DCAF6: variants seen among roughly 807,000 people sequenced by gnomAD.
The protein encoded by DCAF6 is DDB1- and CUL4-associated factor 6.
A neutral mutation model predicts 125.1 loss-of-function variants in DCAF6; 54 were observed. The ratio of observed to expected loss-of-function variants is 0.43; its 90% CI spans 0.35 to 0.54. The LOEUF is 0.54. Among genes scored for constraint, DCAF6 ranks in the 20% least tolerant of loss-of-function variants. DCAF6 has a pLI of 0.01. For missense variants in DCAF6, 934 were observed against 1,161.7 expected (o/e 0.80, Z 2.85); for synonymous variants, 371 against 390.4 (o/e 0.95, Z 0.58).
chr1:167,901,415 A>G, the DCAF6 span, among the ~76,000 whole-genome samples: 1 of 152,224 alleles, frequency 6.6e-6, no homozygotes, highest in Non-Finnish European at 1.5e-5. Context: ...CCTATGCATT[A>G]ACTACCATAC....
the DCAF6 span, among the ~76,000 whole-genome samples, chr1:167,892,093 C>T: frequency 2.0e-5 from 3 of 151,894 alleles, no homozygotes; most frequent in Non-Finnish European, 4.4e-5. Context: ...TCACCTCAGC[C>T]TCCCTAGTAG....
intron 4 of DCAF6, among the ~76,000 whole-genome samples, chr1:167,976,285 A>G (rs1237892799): frequency 6.6e-6 from 1 of 152,116 alleles, no homozygotes; most frequent in Non-Finnish European, 1.5e-5. Context: ...CCTGGCCAAC[A>G]TGGTGAAACC....
In DCAF6 at chr1:167,977,882, A is replaced by G. The variant is rs569311943; in HGVS notation, c.438+2867A>G. Among the ~76,000 whole-genome samples the G allele has an allele frequency of 4.6e-5, 7 of 152,356 alleles. No individual in the cohort carries two copies. In the South Asian group the frequency reaches 1.2e-3, roughly 27 times the overall value. Reference sequence around the variant, plus strand: ...TATTCATGTAACTACCACCTAGCACATTAAGTATCCCAAAAGCTCCCTTTA... The same window carrying G: ...TATTCATGTAACTACCACCTAGCACGTTAAGTATCCCAAAAGCTCCCTTTA... On this transcript the variant is annotated intron_variant, in intron 4 of 21. Coordinates refer to ENST00000367840, the MANE Select transcript of DCAF6 (RefSeq NM_001198956.2).
intron 11 of DCAF6, among the ~76,000 whole-genome samples, chr1:168,019,134 C>T (rs1433951670): frequency 6.6e-6 from 1 of 151,942 alleles, no homozygotes; most frequent in Non-Finnish European, 1.5e-5. Flanking sequence ...CTGCAACCTC[C>T]ACCTCCCGGG....
chr1:167,903,140 C>T, the DCAF6 span, among the ~76,000 whole-genome samples: 4 of 151,872 alleles, frequency 2.6e-5, no homozygotes, highest in Admixed American at 6.6e-5. Flanking sequence ...CCTGTAACCC[C>T]AGCTACGTGT....
At chr1:167,914,353 T>G in the DCAF6 span, 1 of 152,172 alleles carries the variant, frequency 6.6e-6, no homozygotes, top group Non-Finnish European at 1.5e-5. Flanking sequence ...ACACAATTCT[T>G]CCCTTGGCCA....
intron 1 of DCAF6, among the ~76,000 whole-genome samples, chr1:167,947,318 C>G (rs1673224581): frequency 6.8e-6 from 1 of 146,724 alleles, no homozygotes; most frequent in Non-Finnish European, 1.5e-5. Flanking sequence ...GAGGAACCAG[C>G]TTTTCATTTC....
At chr1:167,928,344 A>G in the DCAF6 span, among the ~76,000 whole-genome samples, 1 of 152,116 alleles carries the variant, frequency 6.6e-6, no homozygotes, top group Non-Finnish European at 1.5e-5. Context: ...AAGTCACACA[A>G]TGGGTTAACA....
chr1:167,922,597 GA>G, the DCAF6 span, among the ~76,000 whole-genome samples: 2 of 147,476 alleles, frequency 1.4e-5, no homozygotes, highest in Non-Finnish European at 3.0e-5. Flanking sequence ...ATGTAGATAT[GA>G]AAAAAAAAAC....
At chr1:167,994,054 T>G (rs1256802471) in intron 7 of DCAF6, among the ~76,000 whole-genome samples, 1 of 149,192 alleles carries the variant, frequency 6.7e-6, no homozygotes, top group Non-Finnish European at 1.5e-5. Flanking sequence ...ACAAAAATAG[T>G]ATTTTTGTAA....
the DCAF6 span, among the ~76,000 whole-genome samples, chr1:167,913,465 A>G: frequency 2.6e-5 from 4 of 152,040 alleles, no homozygotes; most frequent in African/African-American, 9.7e-5. Flanking sequence ...TTGCTTGCCT[A>G]CTCTAGCCAT....
chr1:168,011,932 C>T (rs1684348331), intron 10 of DCAF6, among the ~76,000 whole-genome samples: 1 of 152,080 alleles, frequency 6.6e-6, no homozygotes, highest in Non-Finnish European at 1.5e-5. Flanking sequence ...GAGATCACTC[C>T]ATTGCACTCC....
chr1:167,888,347 A>C, the DCAF6 span, among the ~76,000 whole-genome samples: 1 of 152,072 alleles, frequency 6.6e-6, no homozygotes, highest in African/African-American at 2.4e-5. Flanking sequence ...TATTGCATTG[A>C]ATCTGTAGAT....
At chr1:167,967,809 C>T (rs893115009) in intron 3 of DCAF6, among the ~76,000 whole-genome samples, 1 of 146,172 alleles carries the variant, frequency 6.8e-6, no homozygotes, top group African/African-American at 2.5e-5. Context: ...CGGCTTACTG[C>T]AACCTCTGCC....
At chr1:167,957,820 AATC>A (rs1557891031) in intron 2 of DCAF6, among the ~76,000 whole-genome samples, 1 of 152,094 alleles carries the variant, frequency 6.6e-6, no homozygotes, top group African/African-American at 2.4e-5. Flanking sequence ...AAATTATTAT[AATC>A]ATCCTAGTGG....
the DCAF6 span, chr1:167,896,514 G>T: frequency 8.8e-7 from 1 of 1,133,886 alleles, no homozygotes; most frequent in Non-Finnish European, 1.3e-6. Context: ...CCACCCACCA[G>T]TAATGAAGCT....
chr1:167,929,726 A>C, the DCAF6 span, among the ~76,000 whole-genome samples: 1 of 152,208 alleles, frequency 6.6e-6, no homozygotes, highest in Admixed American at 6.5e-5. Context: ...TCCCTAAGTA[A>C]AGACTAACTT....
intron 21 of DCAF6, among the ~76,000 whole-genome samples, chr1:168,069,358 T>C (rs775639517): frequency 4.6e-5 from 7 of 152,194 alleles, no homozygotes; most frequent in Non-Finnish European, 8.8e-5. Context: ...ATTTACAGCA[T>C]TCTTTTCTTC....
chr1:168,002,378 CAAG>C, intron 7 of DCAF6, 101 bp from the exon 8 acceptor site: 1 of 964,402 alleles, frequency 1.0e-6, no homozygotes, highest in Non-Finnish European at 1.6e-6. Context: ...TTTGCATACT[CAAG>C]AAGTAGGGAG....
Sources: gnomAD v4.1 joint callset for allele counts (sites outside exome capture counted in the v4.1 genomes callset) on GRCh38, gnomAD v4.1.1 for gene constraint, MANE v1.5 for transcripts, NCBI Gene and HGNC (gene_info 2026-07-23, HGNC 2026-07-21) for gene names.